Variants in HIRA observed in about 807,000 individuals in gnomAD.
The protein encoded by HIRA is protein HIRA.
Under a neutral mutation model 126.6 loss-of-function variants are expected in HIRA, and 13 were observed. The observed-to-expected ratio is 0.10, with a 90% CI of 0.07 to 0.16. The LOEUF is 0.16. Ranked by LOEUF, HIRA falls within the 10% of genes least tolerant of loss-of-function variation. The pLI is 1.00. For synonymous variants in HIRA, 511 were observed against 520.0 expected (o/e 0.98, Z 0.24); for missense variants, 834 against 1,314.4 (o/e 0.63, Z 5.65).
chr22:19,417,060 C>T (rs192239441), intron 1 of HIRA, among the ~76,000 whole-genome samples: 19 of 151,774 alleles, frequency 1.3e-4, no homozygotes, highest in African/African-American at 3.9e-4. Flanking sequence ...ATTAGCCAAG[C>T]GTGGTGGTGG....
intron 24 of HIRA, among the ~76,000 whole-genome samples, chr22:19,344,892 A>G (rs1261000663): frequency 1.3e-5 from 2 of 152,232 alleles, no homozygotes; most frequent in African/African-American, 2.4e-5. Flanking sequence ...AAATGACACG[A>G]TCATCTTAAT....
At chr22:19,394,043 T>G (rs966506352) in intron 8 of HIRA, among the ~76,000 whole-genome samples, 5 of 152,116 alleles carry the variant, frequency 3.3e-5, no homozygotes, top group African/African-American at 1.2e-4. Flanking sequence ...AGCACAGTGC[T>G]TGGTGGGTAT....
chr22:19,342,190 CAT>C (rs1274359157), intron 24 of HIRA, among the ~76,000 whole-genome samples: 1 of 151,992 alleles, frequency 6.6e-6, no homozygotes, highest in African/African-American at 2.4e-5. Flanking sequence ...GACCAACAAA[CAT>C]ATGAAAAAAA....
chr22:19,396,264 C>T (rs2089222833), intron 7 of HIRA, among the ~76,000 whole-genome samples: 1 of 152,196 alleles, frequency 6.6e-6, no homozygotes. Context: ...GCTTGTAATC[C>T]CAGCACTTTG....
At chr22:19,409,400 C>T (rs1601852093) in intron 2 of HIRA, among the ~76,000 whole-genome samples, 2 of 152,116 alleles carry the variant, frequency 1.3e-5, no homozygotes, top group East Asian at 3.9e-4. Flanking sequence ...TCTCCTATCT[C>T]AGCCTCCCGA....
intron 5 of HIRA, chr22:19,399,053 T>C (rs944347582): frequency 1.2e-6 from 1 of 845,408 alleles, no homozygotes; most frequent in African/African-American, 1.8e-5. Flanking sequence ...TGTGATAAAC[T>C]GCTGCAACAC....
intron 24 of HIRA, among the ~76,000 whole-genome samples, chr22:19,339,085 C>T (rs939947892): frequency 7.9e-5 from 12 of 151,970 alleles, no homozygotes; most frequent in Admixed American, 2.0e-4. Flanking sequence ...TTAAGAAAAT[C>T]GAAATTATAT....
At position 19,353,504 on chromosome 22, in the gene HIRA, A is replaced by G. The variant is rs140261691; in HGVS notation, c.2700T>C (p.Ala900=). The change falls in exon 23 of 25, where the codon GCT becomes GCC. Residue 900 remains alanine, a synonymous_variant. Coordinates refer to ENST00000263208, the MANE Select transcript of HIRA (RefSeq NM_003325.4). ...QGRTSNSGRQ[A]ARLFSVPHVV... Reference sequence around the variant, plus strand: ...CATGAGGCACGGAGAAGAGCCGGGCAGCCTGCCTTCCCGAGCTGCAGAGAC... The same window carrying G: ...CATGAGGCACGGAGAAGAGCCGGGCGGCCTGCCTTCCCGAGCTGCAGAGAC... The G allele has an allele frequency of 1.8e-5, 29 of 1,609,892 alleles. No homozygotes were observed. In the African/African-American group the frequency reaches 3.6e-4, roughly 20 times the overall value.
chr22:19,361,665 C>A lies in HIRA; in HGVS notation c.1980+62G>T, dbSNP rs982825780. 1.6e-5 allele frequency: 25 copies of A among 1,527,968 alleles called. No homozygotes were observed. The African/African-American group carries it at 2.3e-4, about 14-fold the overall frequency. 94.7% of individuals were successfully genotyped at this position (1,527,968 alleles called of 1,614,324 possible). A position where few individuals can be genotyped will look rare whatever the true frequency, so the allele number is the denominator to read the frequency against. On this transcript the variant is annotated intron_variant, in intron 16 of 24. Transcript: ENST00000263208. ...GCTGAGGCTTACCATGCACACAGGG[C>A]CTTCAAGCTCTAAGTACAGAAAGGT...
chr22:19,380,572 T>C (rs2089063582), intron 13 of HIRA, among the ~76,000 whole-genome samples: 1 of 152,230 alleles, frequency 6.6e-6, no homozygotes, highest in Middle Eastern at 3.2e-3. Flanking sequence ...TTTTCAGAAA[T>C]ATTTCGGCCA....
chr22:19,409,977 C>A (rs1416014672), intron 2 of HIRA, among the ~76,000 whole-genome samples: 1 of 152,226 alleles, frequency 6.6e-6, no homozygotes, highest in Non-Finnish European at 1.5e-5. Context: ...CCCTGCAGCA[C>A]CTGGCCTGAG....
chr22:19,360,428 T>C (rs1282704472), intron 17 of HIRA, among the ~76,000 whole-genome samples: 3 of 152,208 alleles, frequency 2.0e-5, no homozygotes, highest in African/African-American at 7.2e-5. Context: ...ACAAACCCTA[T>C]GGGTTCCTAC....
intron 1 of HIRA, among the ~76,000 whole-genome samples, chr22:19,427,554 A>T (rs1406381184): frequency 6.6e-6 from 1 of 152,212 alleles, no homozygotes; most frequent in African/African-American, 2.4e-5. Flanking sequence ...GCAGGACAGG[A>T]GAAAATACAC....
chr22:19,359,250 G>A, intron 18 of HIRA, 86 bp downstream of exon 18: 2 of 1,371,158 alleles, frequency 1.5e-6, no homozygotes, highest in Middle Eastern at 4.5e-4. Flanking sequence ...CCAGGGTCAT[G>A]CACCTCCCCT....
chr22:19,334,132 G>A (rs539713246), intron 24 of HIRA, among the ~76,000 whole-genome samples: 156 of 151,676 alleles, frequency 1.0e-3, no homozygotes, highest in Non-Finnish European at 1.7e-3. Flanking sequence ...CGGCCAGCAC[G>A]CCTGGCTAAT....
rs1556011343 is a variant in HIRA at position 19,353,080 on chromosome 22, C to T, written c.2848+276G>A. 1.1e-4 allele frequency among the ~76,000 whole-genome samples: 17 copies of T among 152,340 alleles called. No homozygotes were observed. In the South Asian group the frequency reaches 3.3e-3, roughly 30 times the overall value. ...AGGAGCCAGAACATAGAATCTGCTC[C>T]TTCAGACCATGTCTTTCCACCCAGG... On this transcript the variant is annotated intron_variant, in intron 23 of 24. Transcript: ENST00000263208.
intron 23 of HIRA, among the ~76,000 whole-genome samples, chr22:19,352,156 G>A (rs548986167): frequency 6.6e-6 from 1 of 152,154 alleles, no homozygotes; most frequent in East Asian, 1.9e-4. Flanking sequence ...GGGACAGAAT[G>A]GAGGGTGGGT....
chr22:19,354,862 G>A lies in HIRA; in HGVS notation c.2562-744C>T, dbSNP rs1397936957. Among the ~76,000 whole-genome samples, 3 of 152,044 alleles carry A rather than the reference G, an allele frequency of 2.0e-5. No individual in the cohort carries two copies. In the East Asian group the frequency reaches 5.8e-4, roughly 29 times the overall value. On this transcript the variant is annotated intron_variant, in intron 21 of 24. Transcript: ENST00000263208. ...AGCTCACTGCAGCCTCGACCTCCTG[G>A]GCTCAAGGGATCTCCTGCTTCAGCT... is the stretch of plus-strand genomic sequence containing the variant.
chr22:19,385,772 G>A, intron 11 of HIRA, 36 bp from the exon 12 acceptor site: 1 of 1,585,676 alleles, frequency 6.3e-7, no homozygotes, highest in East Asian at 2.3e-5. Context: ...ATGCCAGCAT[G>A]AGTGCCAGTG....
Sources: allele counts gnomAD v4.1 joint callset (sites outside exome capture counted in the v4.1 genomes callset), GRCh38; gene constraint gnomAD v4.1.1; transcripts MANE v1.5; gene names NCBI Gene and HGNC (gene_info 2026-07-23, HGNC 2026-07-21).